The following NHSL2 variants were observed in gnomAD, a reference collection of about 807,000 sequenced individuals.
NHSL2 encodes the protein NHS like 2, also known as NHS-like protein 2.
NHSL2 carries 27 observed loss-of-function variants against 53.4 expected under a neutral mutation model. The ratio of observed to expected loss-of-function variants is 0.51; its 90% CI spans 0.37 to 0.70. NHSL2 has a LOEUF of 0.70. NHSL2 is among the 30% of genes least tolerant of loss of function. NHSL2 has a pLI of 0.00. For synonymous variants in NHSL2, 408 were observed against 404.1 expected (o/e 1.01, Z -0.12); for missense variants, 892 against 980.1 (o/e 0.91, Z 1.20).
intron 1 of NHSL2, among the ~76,000 whole-genome samples, chrX:72,030,496 ATGTGTG>A (rs58930948): frequency 9.1e-6 from 1 of 109,876 alleles, no homozygotes; most frequent in East Asian, 2.8e-4. Context: ...GTATATGTAT[ATGTGTG>A]TGTGTGTGTG....
In NHSL2 at chrX:72,143,329, A is replaced by G. The variant is rs976843622; in HGVS notation, c.3433A>G (p.Ile1145Val). The change falls in exon 8 of 8, where the codon ATA (isoleucine) becomes GTA (valine). Residue 1145 changes from isoleucine (I) to valine (V), a missense_variant. Physicochemically the swap from Ile to Val is conservative, Grantham distance 29. Coordinates refer to ENST00000633930, the MANE Select transcript of NHSL2 (RefSeq NM_001013627.3). ...VGGRTSSHSP[I>V]KNTAESPISE... is the part of the protein sequence containing the mutation. ...TGGCAGAACGAGTTCCCACTCACCAATAAAGAACACAGCTGAGTCTCCAAT... is the reference window on the plus strand; with the variant it reads ...TGGCAGAACGAGTTCCCACTCACCAGTAAAGAACACAGCTGAGTCTCCAAT... 1.7e-6 allele frequency: 2 copies of G among 1,165,175 alleles called. No homozygotes were observed. Among genetic ancestry groups the G allele is most frequent in the African/African-American group, 1.8e-5 (1 of 55,625 alleles).
At chrX:72,032,105 A>ATAAT (rs1366332663) in intron 1 of NHSL2, among the ~76,000 whole-genome samples, 1 of 109,384 alleles carries the variant, frequency 9.1e-6, no homozygotes, top group African/African-American at 3.4e-5. Flanking sequence ...AAAAAAAAAA[A>ATAAT]AATAAGCCAG....
rs147328590 is a variant in NHSL2, at chrX:72,102,932, G to A, written c.281-29147G>A. Among the ~76,000 whole-genome samples, 419 of 112,158 alleles carry A rather than the reference G, an allele frequency of 3.7e-3. 2 individuals carry two copies. Among genetic ancestry groups the A allele is most frequent in the African/African-American group, 0.013 (389 of 30,818 alleles). On this transcript the variant is annotated intron_variant, in intron 1 of 7. Coordinates refer to ENST00000633930, the MANE Select transcript of NHSL2 (RefSeq NM_001013627.3). The stretch of plus-strand genomic sequence containing the variant: ...GCTCCTACCTGGAAATGATTAACCC[G>A]CAAAAGCACAGTAGGAGTTGGCACA...
chrX:72,008,447 G>A (rs2042103137), intron 1 of NHSL2, among the ~76,000 whole-genome samples: 1 of 112,015 alleles, frequency 8.9e-6, no homozygotes, highest in South Asian at 3.7e-4. Context: ...GGACAAAATG[G>A]CACCCAGCAC....
Position 72,150,596 on chromosome X carries a change from C to T in NHSL2, c.*7022C>T, listed in dbSNP as rs1410493192. The T allele has an allele frequency of 2.7e-5, 3 of 112,329 alleles. No individual in the cohort carries two copies. The highest frequency in any genetic ancestry group is 9.7e-5 in the African/African-American group (3 of 30,922). 9.3% of individuals were successfully genotyped at this position (112,329 alleles called of 1,213,427 possible). A position where few individuals can be genotyped will look rare whatever the true frequency, so the allele number is the denominator to read the frequency against. ...CAATAACAGAATTCCCTAATCAGTA[C>T]TAAGCTCCGCATGCAGTCTCTTTTC... On this transcript the variant is annotated 3_prime_UTR_variant, in exon 8 of 8. Transcript: ENST00000633930.
At chrX:71,916,233 G>A (rs1471681274) in intron 1 of NHSL2, among the ~76,000 whole-genome samples, 1 of 111,685 alleles carries the variant, frequency 9.0e-6, no homozygotes, top group Non-Finnish European at 1.9e-5. Flanking sequence ...TCTAGTAGAG[G>A]CTGGTTGGCA....
intron 1 of NHSL2, among the ~76,000 whole-genome samples, chrX:71,947,786 A>T (rs1008776402): frequency 1.8e-5 from 2 of 112,118 alleles, no homozygotes; most frequent in Non-Finnish European, 3.8e-5. Context: ...AAGTGAAGTA[A>T]CTCAGGAATG....
chrX:72,042,933 A>C (rs1352593804), intron 1 of NHSL2, among the ~76,000 whole-genome samples: 4 of 111,175 alleles, frequency 3.6e-5, no homozygotes, highest in Non-Finnish European at 5.7e-5. Context: ...TCCCACACCC[A>C]AGTCAGGTAG....
At chrX:72,120,567 T>C (rs2147491598) in intron 1 of NHSL2, among the ~76,000 whole-genome samples, 1 of 112,413 alleles carries the variant, frequency 8.9e-6, no homozygotes, top group Non-Finnish European at 1.9e-5. Context: ...ATTTTTGTAA[T>C]TGGGGTCTTC....
In NHSL2 at chrX:72,056,582, T is replaced by TCA. The variant is rs1417168803; in HGVS notation, c.281-75490_281-75489dup. ...CACACACACACACACACACACACGC[T>TCA]CACACACAGACTGGCATGTCCATGA... On this transcript the variant is annotated intron_variant, in intron 1 of 7. Transcript: ENST00000633930. Among the ~76,000 whole-genome samples, 9 of 110,301 alleles carry TCA rather than the reference T, an allele frequency of 8.2e-5. 1 individual carries two copies. The highest frequency in any genetic ancestry group is 7.5e-4 in the South Asian group (2 of 2,654).
intron 1 of NHSL2, among the ~76,000 whole-genome samples, chrX:72,013,244 G>A (rs5951249): frequency 1.8e-5 from 2 of 111,184 alleles, no homozygotes; most frequent in South Asian, 3.7e-4. Flanking sequence ...GCATATAAGC[G>A]CTATACATAT....
At chrX:72,086,785 T>C (rs2041850864) in intron 1 of NHSL2, among the ~76,000 whole-genome samples, 1 of 109,685 alleles carries the variant, frequency 9.1e-6, no homozygotes, top group Non-Finnish European at 1.9e-5. Flanking sequence ...AAATGTATAA[T>C]GATCACGTGT....
At chrX:72,062,088 A>G (rs964933361) in intron 1 of NHSL2, among the ~76,000 whole-genome samples, 1 of 112,690 alleles carries the variant, frequency 8.9e-6, no homozygotes, top group African/African-American at 3.2e-5. Flanking sequence ...AATAGGCTCA[A>G]TAAAATCTAT....
At chrX:72,093,737 T>G (rs373066305) in intron 1 of NHSL2, among the ~76,000 whole-genome samples, 3,394 of 94,792 alleles carry the variant, frequency 0.036, 48 homozygotes, top group Non-Finnish European at 0.042. Flanking sequence ...TTTCTTTCTT[T>G]CTTTCTTTCT....
At chrX:71,963,974 C>CATATAT (rs377152946) in intron 1 of NHSL2, among the ~76,000 whole-genome samples, 1,455 of 47,921 alleles carry the variant, frequency 0.03, 116 homozygotes, top group East Asian at 0.044. Flanking sequence ...TATATATATA[C>CATATAT]ATATATATAT....
chrX:72,086,161 C>A (rs951470809), intron 1 of NHSL2, among the ~76,000 whole-genome samples: 20 of 111,709 alleles, frequency 1.8e-4, no homozygotes, highest in Non-Finnish European at 2.6e-4. Flanking sequence ...TCATATGTTC[C>A]CAGCAATAAT....
At chrX:72,086,846 C>T (rs748405219) in intron 1 of NHSL2, among the ~76,000 whole-genome samples, 10 of 111,588 alleles carry the variant, frequency 9.0e-5, no homozygotes, top group African/African-American at 2.9e-4. Context: ...AAAAAAGATA[C>T]GAGAGTTAAA....
rs1414132689 is a variant in NHSL2, at chrX:72,145,041, G to A, written c.*1467G>A. 8.9e-6 allele frequency: 1 copy of A among 112,158 alleles called. No homozygotes were observed. The highest frequency in any genetic ancestry group is 9.5e-5 in the Admixed American group (1 of 10,524). 9.2% of individuals were successfully genotyped at this position (112,158 alleles called of 1,213,427 possible). ...AAAGAAAACCTGCTGACCAATGATG[G>A]AAAGTTAATTGTCTACTGTCTTCAA... On this transcript the variant is annotated 3_prime_UTR_variant, in exon 8 of 8. Transcript: ENST00000633930.
intron 1 of NHSL2, among the ~76,000 whole-genome samples, chrX:71,939,915 GT>G (rs2041757977): frequency 8.9e-6 from 1 of 112,008 alleles, no homozygotes. Flanking sequence ...GGACACTCAA[GT>G]GCAAATTGGT....
Sources: allele counts gnomAD v4.1 joint callset (sites outside exome capture counted in the v4.1 genomes callset), GRCh38; gene constraint gnomAD v4.1.1; transcripts MANE v1.5; gene names NCBI Gene and HGNC (gene_info 2026-07-23, HGNC 2026-07-21).